Variants in CNTNAP4 observed in about 807,000 individuals in gnomAD.
CNTNAP4 encodes the protein contactin associated protein family member 4.
In CNTNAP4, 98 loss-of-function variants were observed where a neutral mutation model predicts 148.4. That is an observed-to-expected ratio of 0.66 (90% confidence interval 0.56 to 0.78). The LOEUF is 0.78. Among genes scored for constraint, CNTNAP4 ranks in the 30% least tolerant of loss-of-function variants. The pLI, the probability that CNTNAP4 is intolerant of heterozygous loss-of-function variation, is 0.00. For synonymous variants in CNTNAP4, 730 were observed against 565.1 expected (o/e 1.29, Z -4.14); for missense variants, 1,935 against 1,565.6 (o/e 1.24, Z -3.98).
chr16:76,431,930 A>C (rs2079624094), intron 4 of CNTNAP4, among the ~76,000 whole-genome samples: 1 of 152,130 alleles, frequency 6.6e-6, no homozygotes, highest in African/African-American at 2.4e-5. Flanking sequence ...TGACACATTG[A>C]GTTCAAGGGC....
chr16:76,298,529 TGA>T lies in CNTNAP4; in HGVS notation c.86-17882_86-17881del, dbSNP rs202160575. ...GTGTGTGTGTGTGTGTGTGTGTGTG[TGA>T]GGTAAGGGGCTGTGCTGAGAAGCAG... On this transcript the variant is annotated intron_variant, in intron 1 of 23. Transcript: ENST00000611870. Among the ~76,000 whole-genome samples, 1,058 of 128,522 alleles carry T rather than the reference TGA, an allele frequency of 8.2e-3. 5 individuals carry two copies. Among genetic ancestry groups the T allele is most frequent in the African/African-American group, 0.017 (602 of 36,126 alleles). 84.3% of individuals were successfully genotyped at this position (128,522 alleles called of 152,430 possible). A position where few individuals can be genotyped will look rare whatever the true frequency, so the allele number is the denominator to read the frequency against.
chr16:76,323,868 G>A (rs1294945461), intron 2 of CNTNAP4, among the ~76,000 whole-genome samples: 1 of 152,104 alleles, frequency 6.6e-6, no homozygotes. Context: ...TGAAATCAGG[G>A]AAACTAGATT....
intron 1 of CNTNAP4, among the ~76,000 whole-genome samples, chr16:76,308,235 T>A (rs1426521279): frequency 6.6e-6 from 1 of 152,218 alleles, no homozygotes; most frequent in Non-Finnish European, 1.5e-5. Context: ...CATGTCAATG[T>A]CAAATTAATA....
rs369208411 is a variant in CNTNAP4, at chr16:76,535,325, T to A, written c.2756-220T>A. On this transcript the variant is annotated intron_variant, in intron 17 of 23. Coordinates refer to ENST00000611870, the MANE Select transcript of CNTNAP4 (RefSeq NM_033401.5). ...TCCTCAATTTAAAGATCAATAAATATTTTTTAGAAAAAAAATGTAACATAT... is the reference window on the plus strand; with the variant it reads ...TCCTCAATTTAAAGATCAATAAATAATTTTTAGAAAAAAAATGTAACATAT... Among the ~76,000 whole-genome samples the A allele has an allele frequency of 1.1e-4, 17 of 152,150 alleles. No homozygotes were observed. The East Asian group carries it at 1.2e-3, about 10-fold the overall frequency.
chr16:76,438,350 A>T lies in CNTNAP4; in HGVS notation c.539-9662A>T, dbSNP rs543579035. On this transcript the variant is annotated intron_variant, in intron 4 of 23. Coordinates refer to ENST00000611870, the MANE Select transcript of CNTNAP4 (RefSeq NM_033401.5). ...GATTTCAGTATCTACGTAGGGCTGG[A>T]AGGGGACCACCTTTGGAGTTCAAGT... Among the ~76,000 whole-genome samples the T allele has an allele frequency of 3.3e-3, 505 of 152,262 alleles. 1 individual carries two copies. Among genetic ancestry groups the T allele is most frequent in the Middle Eastern group, 0.02 (6 of 294 alleles).
intron 9 of CNTNAP4, among the ~76,000 whole-genome samples, chr16:76,462,849 C>T (rs537925653): frequency 1.3e-5 from 2 of 152,136 alleles, no homozygotes; most frequent in African/African-American, 2.4e-5. Flanking sequence ...CTTATATTAG[C>T]GTTGTTTTGT....
rs73623109 is a variant in CNTNAP4, at chr16:76,558,237, C to G, written c.3734-253C>G. 2,698 of 354,286 alleles carry G rather than the reference C, an allele frequency of 7.6e-3. 75 individuals are homozygous for G. Among genetic ancestry groups the G allele is most frequent in the African/African-American group, 0.052 (2,464 of 47,428 alleles). The allele number at this position is 354,286 out of a possible 1,614,324, so 21.9% of individuals were successfully genotyped here. The stretch of plus-strand genomic sequence containing the variant: ...ATACCTTGTGTTAAATATAAATGCA[C>G]CAAGTAAATCCGATATAATATGCAT... On this transcript the variant is annotated intron_variant, in intron 23 of 23. Transcript: ENST00000611870.
intron 3 of CNTNAP4, among the ~76,000 whole-genome samples, chr16:76,401,565 G>A (rs7198025): frequency 0.11 from 16,720 of 151,946 alleles, 2,484 homozygotes; most frequent in African/African-American, 0.34. Context: ...TGCTCTGGCA[G>A]ACTTCTGATA....
intron 2 of CNTNAP4, among the ~76,000 whole-genome samples, chr16:76,322,581 A>T (rs1336793038): frequency 6.6e-6 from 1 of 152,154 alleles, no homozygotes; most frequent in African/African-American, 2.4e-5. Context: ...TTAATTTCCT[A>T]CGGGAAGAGC....
intron 17 of CNTNAP4, among the ~76,000 whole-genome samples, chr16:76,524,076 T>C (rs2083605744): frequency 6.6e-6 from 1 of 152,220 alleles, no homozygotes; most frequent in Non-Finnish European, 1.5e-5. Flanking sequence ...AGCATATTTT[T>C]AACATATTTG....
At chr16:76,286,608 G>A (rs949387007) in intron 1 of CNTNAP4, among the ~76,000 whole-genome samples, 1 of 151,956 alleles carries the variant, frequency 6.6e-6, no homozygotes, top group Admixed American at 6.6e-5. Context: ...GAGAGATTTT[G>A]GCTTAAAAAT....
intron 20 of CNTNAP4, among the ~76,000 whole-genome samples, chr16:76,540,201 G>C (rs2084389692): frequency 6.6e-6 from 1 of 152,010 alleles, no homozygotes; most frequent in South Asian, 2.1e-4. Context: ...TGTAATATCA[G>C]AATTTTTGTT....
At chr16:76,530,366 G>A (rs1347284925) in intron 17 of CNTNAP4, among the ~76,000 whole-genome samples, 1 of 151,992 alleles carries the variant, frequency 6.6e-6, no homozygotes, top group Non-Finnish European at 1.5e-5. Context: ...CATCCTTGAG[G>A]CATCTTTTTC....
chr16:76,338,207 T>G (rs1964179515), intron 2 of CNTNAP4, among the ~76,000 whole-genome samples: 2 of 152,192 alleles, frequency 1.3e-5, no homozygotes, highest in South Asian at 4.1e-4. Context: ...CATAAGAAAT[T>G]ATAAAAGTAT....
At chr16:76,490,116 C>G (rs8058881) in intron 13 of CNTNAP4, among the ~76,000 whole-genome samples, 31,880 of 152,164 alleles carry the variant, frequency 0.21, 3,962 homozygotes, top group East Asian at 0.34. Context: ...TGCTTTTAAA[C>G]TCTCTTCCTG....
chr16:76,501,896 C>T (rs1481813648), intron 15 of CNTNAP4, among the ~76,000 whole-genome samples: 1 of 151,960 alleles, frequency 6.6e-6, no homozygotes, highest in South Asian at 2.1e-4. Flanking sequence ...GGTGAAACCC[C>T]GTCTCTACTA....
At chr16:76,467,307 T>A in intron 9 of CNTNAP4, 45 bp from the exon 10 acceptor site, 1 of 1,551,460 alleles carries the variant, frequency 6.4e-7, no homozygotes. Flanking sequence ...GATCCTGAAT[T>A]CTGATTCATT....
intron 3 of CNTNAP4, among the ~76,000 whole-genome samples, chr16:76,396,557 G>A (rs897190267): frequency 6.6e-6 from 1 of 152,330 alleles, no homozygotes; most frequent in Admixed American, 6.5e-5. Flanking sequence ...TGATTACAGA[G>A]TGGTTTTGTT....
intron 2 of CNTNAP4, among the ~76,000 whole-genome samples, chr16:76,352,176 C>T (rs1016829499): frequency 1.6e-4 from 24 of 152,054 alleles, no homozygotes; most frequent in Non-Finnish European, 3.5e-4. Context: ...GAGAGATATG[C>T]AGTTGTAGCA....
Sources: gnomAD v4.1 joint callset for allele counts (sites outside exome capture counted in the v4.1 genomes callset) on GRCh38, gnomAD v4.1.1 for gene constraint, MANE v1.5 for transcripts, NCBI Gene and HGNC (gene_info 2026-07-23, HGNC 2026-07-21) for gene names.